The following FHIT variants were observed in gnomAD, a reference collection of about 807,000 sequenced individuals.
The protein encoded by FHIT is fragile histidine triad diadenosine triphosphatase.
A neutral mutation model predicts 17.9 loss-of-function variants in FHIT; 19 were observed. The observed-to-expected ratio is 1.06, with a 90% CI of 0.74 to 1.56. FHIT has a LOEUF of 1.56. FHIT is among the 40% of genes most tolerant of loss of function. The pLI is 0.00. For synonymous variants in FHIT, 81 were observed against 69.7 expected (o/e 1.16, Z -0.81); for missense variants, 248 against 189.2 (o/e 1.31, Z -1.82).
chr3:59,998,473 G>C (rs888192625), intron 7 of FHIT, among the ~76,000 whole-genome samples: 3 of 152,142 alleles, frequency 2.0e-5, no homozygotes, highest in African/African-American at 4.8e-5. Flanking sequence ...CCACTGAAAA[G>C]AGGGATTTTA....
chr3:61,149,988 C>A (rs1338335003), intron 2 of FHIT, among the ~76,000 whole-genome samples: 1 of 152,188 alleles, frequency 6.6e-6, no homozygotes, highest in Non-Finnish European at 1.5e-5. Context: ...TCACCTCCAA[C>A]CCTCTCCAGT....
chr3:60,419,570 T>C (rs1292441552), intron 5 of FHIT, among the ~76,000 whole-genome samples: 1 of 152,186 alleles, frequency 6.6e-6, no homozygotes, highest in East Asian at 1.9e-4. Context: ...AGTTTAATGC[T>C]AGGGGTGAGG....
At chr3:60,463,677 T>C (rs2107420762) in intron 5 of FHIT, among the ~76,000 whole-genome samples, 1 of 152,338 alleles carries the variant, frequency 6.6e-6, no homozygotes, top group African/African-American at 2.4e-5. Context: ...GGTTATAGCA[T>C]GCCCAGAGAA....
At chr3:60,584,345 AT>A (rs1264958642) in intron 4 of FHIT, among the ~76,000 whole-genome samples, 24 of 151,888 alleles carry the variant, frequency 1.6e-4, no homozygotes, top group Admixed American at 8.5e-4. Flanking sequence ...ACCTCTATCC[AT>A]TACCCCTTTC....
At chr3:60,847,904 G>A (rs1245693703) in intron 3 of FHIT, among the ~76,000 whole-genome samples, 1 of 152,120 alleles carries the variant, frequency 6.6e-6, no homozygotes, top group Non-Finnish European at 1.5e-5. Flanking sequence ...AGAACTTGAA[G>A]CACAATTTTA....
intron 5 of FHIT, among the ~76,000 whole-genome samples, chr3:60,368,195 TAA>T (rs763718560): frequency 2.1e-5 from 3 of 140,806 alleles, no homozygotes; most frequent in East Asian, 4.3e-4. Context: ...CATATCTTTT[TAA>T]AAAAAAAAAA....
chr3:60,216,716 C>T (rs1703715637), intron 5 of FHIT, among the ~76,000 whole-genome samples: 1 of 152,122 alleles, frequency 6.6e-6, no homozygotes, highest in Non-Finnish European at 1.5e-5. Context: ...CATAACAGAG[C>T]ATTTTTAAAT....
chr3:60,926,147 C>A lies in FHIT; in HGVS notation c.-110-104136G>T, dbSNP rs1425303356. On this transcript the variant is annotated intron_variant, in intron 3 of 9. Transcript: ENST00000492590. ...CCACTGTCAACATTAGACAGATCAACGAGACAGAAAGTTAACAAGGATATC... is the reference window on the plus strand; with the variant it reads ...CCACTGTCAACATTAGACAGATCAAAGAGACAGAAAGTTAACAAGGATATC... 3.3e-5 allele frequency among the ~76,000 whole-genome samples: 5 copies of A among 152,080 alleles called. No individual in the cohort carries two copies. The East Asian group carries it at 7.7e-4, about 23-fold the overall frequency.
chr3:59,971,036 G>C (rs957966836), intron 7 of FHIT, among the ~76,000 whole-genome samples: 3 of 152,014 alleles, frequency 2.0e-5, no homozygotes. Context: ...TGGGGTCAGA[G>C]CCCAGATTGG....
rs1214542777 is a variant in FHIT, at chr3:60,881,661, CT to C, written c.-110-59651del. ...GAAGCTCTATGAATACAACATGCTC[CT>C]GTATAACCAAAGACTCAATACAGAA... On this transcript the variant is annotated intron_variant, in intron 3 of 9. Transcript: ENST00000492590. Among the ~76,000 whole-genome samples, 8 of 151,976 alleles carry C rather than the reference CT, an allele frequency of 5.3e-5. No homozygotes were observed. The East Asian group carries it at 9.6e-4, about 18-fold the overall frequency.
chr3:60,951,567 G>C (rs1708885953), intron 3 of FHIT, among the ~76,000 whole-genome samples: 1 of 152,204 alleles, frequency 6.6e-6, no homozygotes, highest in South Asian at 2.1e-4. Flanking sequence ...TGGAATGCAG[G>C]TCTCTTGACA....
chr3:61,189,621 A>G (rs1358760874), intron 2 of FHIT, among the ~76,000 whole-genome samples: 3 of 152,312 alleles, frequency 2.0e-5, no homozygotes, highest in South Asian at 4.1e-4. Context: ...ACCCCGCATC[A>G]CCAAGTCAAT....
intron 5 of FHIT, among the ~76,000 whole-genome samples, chr3:60,027,108 GACACACACACACACACAC>G (rs754046097): frequency 2.3e-5 from 2 of 88,050 alleles, no homozygotes; most frequent in Non-Finnish European, 4.6e-5. Flanking sequence ...TTCACACACA[GACACACACACACACACAC>G]ACACACACAC....
chr3:60,522,850 G>GTTT (rs2107569456), intron 5 of FHIT, among the ~76,000 whole-genome samples: 1 of 152,242 alleles, frequency 6.6e-6, no homozygotes, highest in African/African-American at 2.4e-5. Context: ...GGCCAACTTT[G>GTTT]TGACCCATCT....
chr3:60,931,825 C>T (rs546865621), intron 3 of FHIT, among the ~76,000 whole-genome samples: 2 of 152,266 alleles, frequency 1.3e-5, no homozygotes, highest in South Asian at 4.1e-4. Flanking sequence ...ATTTAAATTT[C>T]CCAGTGGATG....
chr3:61,023,431 T>C (rs544428525), intron 3 of FHIT, among the ~76,000 whole-genome samples: 2 of 152,206 alleles, frequency 1.3e-5, no homozygotes, highest in African/African-American at 4.8e-5. Context: ...AAGTAATTTA[T>C]AGATTCAATG....
intron 7 of FHIT, among the ~76,000 whole-genome samples, chr3:59,976,476 AC>A (rs1359498997): frequency 1.3e-5 from 2 of 152,044 alleles, no homozygotes; most frequent in Non-Finnish European, 2.9e-5. Flanking sequence ...TTCTTTAGAA[AC>A]TTTGTCTTAA....
chr3:60,239,786 A>G (rs994927708), intron 5 of FHIT, among the ~76,000 whole-genome samples: 1 of 152,150 alleles, frequency 6.6e-6, no homozygotes, highest in Non-Finnish European at 1.5e-5. Flanking sequence ...AAAATCAAAG[A>G]CTACCTTACT....
chr3:61,043,354 G>T (rs760907485), intron 2 of FHIT, among the ~76,000 whole-genome samples: 2 of 152,206 alleles, frequency 1.3e-5, no homozygotes, highest in Non-Finnish European at 2.9e-5. Context: ...AGGGTCCCAC[G>T]CCCACGGAGC....
Sources: allele counts gnomAD v4.1 joint callset (sites outside exome capture counted in the v4.1 genomes callset), GRCh38; gene constraint gnomAD v4.1.1; transcripts MANE v1.5; gene names NCBI Gene and HGNC (gene_info 2026-07-23, HGNC 2026-07-21).